The following CUX2 variants were observed in gnomAD, a reference collection of about 807,000 sequenced individuals.
CUX2 encodes the protein cut like homeobox 2.
A neutral mutation model predicts 144.8 loss-of-function variants in CUX2; 40 were observed. The observed-to-expected ratio is 0.28, with a 90% confidence interval of 0.21 to 0.36. CUX2 has a LOEUF of 0.36. Ranked by LOEUF, CUX2 falls within the 10% of genes least tolerant of loss-of-function variation. The pLI is 1.00. For missense variants in CUX2, 1,615 were observed against 1,994.0 expected (o/e 0.81, Z 3.62); for synonymous variants, 827 against 875.6 (o/e 0.94, Z 0.98).
intron 1 of CUX2, among the ~76,000 whole-genome samples, chr12:111,062,361 C>T (rs751075841): frequency 1.3e-5 from 2 of 152,180 alleles, no homozygotes. Flanking sequence ...TTATCCGGGG[C>T]TTGTACTATG....
At chr12:111,300,119 G>A (rs1886218957) in intron 9 of CUX2, among the ~76,000 whole-genome samples, 1 of 152,084 alleles carries the variant, frequency 6.6e-6, no homozygotes, top group Non-Finnish European at 1.5e-5. Context: ...ATTTTAACCA[G>A]CGGCCTCTTT....
chr12:111,333,960 G>A (rs1292907384), intron 18 of CUX2, among the ~76,000 whole-genome samples: 1 of 152,068 alleles, frequency 6.6e-6, no homozygotes, highest in Non-Finnish European at 1.5e-5. Context: ...GGCTGAGGCG[G>A]GTGGATCATG....
intron 1 of CUX2, among the ~76,000 whole-genome samples, chr12:111,133,969 T>C (rs1379236012): frequency 1.3e-5 from 2 of 152,136 alleles, no homozygotes; most frequent in East Asian, 3.9e-4. Context: ...TCACAATGCC[T>C]TCACTTTAGC....
intron 3 of CUX2, among the ~76,000 whole-genome samples, chr12:111,244,576 G>C (rs1369898996): frequency 6.6e-6 from 1 of 152,216 alleles, no homozygotes; most frequent in Non-Finnish European, 1.5e-5. Context: ...CCTTGTATTT[G>C]CTATGTATGA....
At chr12:111,174,560 T>C (rs756760474) in intron 1 of CUX2, among the ~76,000 whole-genome samples, 14 of 152,202 alleles carry the variant, frequency 9.2e-5, no homozygotes, top group Non-Finnish European at 1.6e-4. Context: ...TTACCTGCAA[T>C]GGTTACCACA....
At chr12:111,065,576 T>G (rs926392622) in intron 1 of CUX2, among the ~76,000 whole-genome samples, 2 of 152,240 alleles carry the variant, frequency 1.3e-5, no homozygotes, top group African/African-American at 4.8e-5. Flanking sequence ...CCTCAGGTAA[T>G]CCACCAGCCT....
At chr12:111,055,426 C>A (rs1870471111) in intron 1 of CUX2, among the ~76,000 whole-genome samples, 1 of 152,264 alleles carries the variant, frequency 6.6e-6, no homozygotes. Flanking sequence ...GGCCCCGGCC[C>A]TCGGAGGATA....
chr12:111,166,737 C>A (rs935984211), intron 1 of CUX2, among the ~76,000 whole-genome samples: 6 of 152,190 alleles, frequency 3.9e-5, no homozygotes, highest in Non-Finnish European at 8.8e-5. Context: ...TGAGAGTGGA[C>A]CCTCCTTGCT....
chr12:111,299,379 G>A (rs1886171989), intron 9 of CUX2, among the ~76,000 whole-genome samples: 1 of 152,228 alleles, frequency 6.6e-6, no homozygotes, highest in Admixed American at 6.5e-5. Context: ...GGCTCAGCAG[G>A]AGCAGAGGCC....
intron 21 of CUX2, among the ~76,000 whole-genome samples, chr12:111,343,336 A>G (rs1257302503): frequency 6.6e-6 from 1 of 151,992 alleles, no homozygotes; most frequent in Non-Finnish European, 1.5e-5. Flanking sequence ...GCTTCCTAGG[A>G]GTTTTAGTCC....
intron 1 of CUX2, among the ~76,000 whole-genome samples, chr12:111,098,449 G>T (rs1299701137): frequency 6.6e-6 from 1 of 152,022 alleles, no homozygotes; most frequent in Admixed American, 6.5e-5. Flanking sequence ...AGGAGCTGCT[G>T]CAGTCATCGG....
At chr12:111,232,204 GAA>G (rs34337617) in intron 3 of CUX2, among the ~76,000 whole-genome samples, 3,812 of 130,446 alleles carry the variant, frequency 0.029, 127 homozygotes, top group African/African-American at 0.11. Flanking sequence ...GACTCCATCT[GAA>G]AAAAAAATAT....
intron 20 of CUX2, among the ~76,000 whole-genome samples, chr12:111,338,765 C>T (rs915465108): frequency 3.3e-5 from 5 of 151,760 alleles, no homozygotes; most frequent in Admixed American, 2.6e-4. Flanking sequence ...GAGGCTAAGG[C>T]AGGAGGATTG....
rs575118603 is a variant in CUX2, at chr12:111,309,979, C to G, written c.1259-62C>G. Reference sequence around the variant, plus strand: ...CCTCTGGTTCTTTTTCTCCCTGTCTCTCTCTCCCCTCATCATCGTCTTCCC... The same window carrying G: ...CCTCTGGTTCTTTTTCTCCCTGTCTGTCTCTCCCCTCATCATCGTCTTCCC... On this transcript the variant is annotated intron_variant, in intron 14 of 21. Transcript: ENST00000261726. 5.7e-5 allele frequency: 72 copies of G among 1,261,200 alleles called. No individual in the cohort carries two copies. The East Asian group carries it at 2.1e-3, about 37-fold the overall frequency. The allele number at this position is 1,261,200 out of a possible 1,614,324, so 78.1% of individuals were successfully genotyped here.
At chr12:111,183,697 C>T (rs1388097271) in intron 1 of CUX2, among the ~76,000 whole-genome samples, 3 of 152,142 alleles carry the variant, frequency 2.0e-5, no homozygotes, top group African/African-American at 7.2e-5. Context: ...ACAGTGCATC[C>T]CTGTCCAGGT....
intron 1 of CUX2, among the ~76,000 whole-genome samples, chr12:111,069,130 C>A (rs991190055): frequency 1.3e-5 from 2 of 152,018 alleles, no homozygotes; most frequent in African/African-American, 4.8e-5. Context: ...GGAATGTGGC[C>A]CTGGAGTCAG....
At chr12:111,213,489 A>G (rs1592845590) in intron 1 of CUX2, among the ~76,000 whole-genome samples, 1 of 152,080 alleles carries the variant, frequency 6.6e-6, no homozygotes. Context: ...CTGGTCTGAT[A>G]CCTTCCTTGC....
chr12:111,044,262 C>T (rs111498459), intron 1 of CUX2, among the ~76,000 whole-genome samples: 5 of 152,224 alleles, frequency 3.3e-5, no homozygotes, highest in African/African-American at 7.2e-5. Context: ...CCGTTGAGGT[C>T]GCTGTCATGT....
At position 111,246,657 on chromosome 12, in the gene CUX2, A is replaced by G. The variant is rs59214806; in HGVS notation, c.223-17104A>G. ...AGTGCATGTGGAATTTGGACCACAG[A>G]CTCCACGTTTGCAAAGTTGGACTTA... On this transcript the variant is annotated intron_variant, in intron 3 of 21. Transcript: ENST00000261726. The surrounding 1 kb of genome is among the most constrained non-coding windows in gnomAD (Gnocchi z 4.0). Among the ~76,000 whole-genome samples, 65,396 of 152,138 alleles carry G rather than the reference A, an allele frequency of 0.43. 18,855 individuals carry two copies. The highest frequency in any genetic ancestry group is 0.83 in the African/African-American group (34,277 of 41,514).
Sources: allele counts gnomAD v4.1 joint callset (sites outside exome capture counted in the v4.1 genomes callset), GRCh38; gene constraint gnomAD v4.1.1; non-coding constraint Gnocchi (gnomAD v3.1); transcripts MANE v1.5; gene names NCBI Gene and HGNC (gene_info 2026-07-23, HGNC 2026-07-21).